Variants in COL27A1 observed in about 807,000 individuals in gnomAD.
The protein encoded by COL27A1 is collagen alpha-1(XXVII) chain.
Under a neutral mutation model 251.3 loss-of-function variants are expected in COL27A1, and 106 were observed. The ratio of observed to expected loss-of-function variants is 0.42; its 90% CI spans 0.36 to 0.50. The LOEUF is 0.50. COL27A1 is among the 20% of genes least tolerant of loss of function. COL27A1 has a pLI of 0.00. For synonymous variants in COL27A1, 1,000 were observed against 986.3 expected, an observed-to-expected ratio of 1.01 and a Z score of -0.26; for missense variants, 2,325 against 2,522.8, an observed-to-expected ratio of 0.92 and a Z score of 1.68.
In COL27A1 at chr9:114,169,090, C is replaced by G; in HGVS notation, c.1535C>G (p.Ser512Trp). 6.2e-7 allele frequency: 1 copy of G among 1,614,042 alleles called. No homozygotes were observed. The highest frequency in any genetic ancestry group is 1.1e-5 in the South Asian group (1 of 91,072). ...CCAGCCACGATGGTACCTCCAACTT[C>G]GGGCACCAGCACTCCCAGAACAGCA... ...RPPATMVPPT[S>W]GTSTPRTAPA... The change falls in exon 3 of 61, where the codon TCG (serine) becomes TGG (tryptophan). Residue 512 changes from serine (S) to tryptophan (W), a missense_variant. Ser to Trp is a radical substitution (Grantham distance 177). Coordinates refer to ENST00000356083, the MANE Select transcript of COL27A1 (RefSeq NM_032888.4).
At chr9:114,300,045 C>T in intron 49 of COL27A1, 25 bp from the exon 50 acceptor site, 2 of 1,613,870 alleles carry the variant, frequency 1.2e-6, no homozygotes, top group Non-Finnish European at 1.7e-6. Context: ...CTCACTCGCT[C>T]CATCACTTCC....
intron 10 of COL27A1, among the ~76,000 whole-genome samples, chr9:114,209,157 A>G (rs1463305598): frequency 6.6e-6 from 1 of 152,146 alleles, no homozygotes; most frequent in Non-Finnish European, 1.5e-5. Flanking sequence ...CTAATGTGGT[A>G]GCATGCATGT....
intron 2 of COL27A1, among the ~76,000 whole-genome samples, chr9:114,164,291 T>C (rs985896859): frequency 6.6e-6 from 1 of 152,226 alleles, no homozygotes; most frequent in African/African-American, 2.4e-5. Flanking sequence ...TTCTTATTGC[T>C]GTTAATTAGT....
At chr9:114,207,892 A>G (rs1343317302) in intron 10 of COL27A1, among the ~76,000 whole-genome samples, 3 of 152,224 alleles carry the variant, frequency 2.0e-5, no homozygotes, top group Admixed American at 6.5e-5. Flanking sequence ...TATGGATATT[A>G]ATCATGCTGG....
At chr9:114,220,547 G>A (rs761343668) in intron 13 of COL27A1, among the ~76,000 whole-genome samples, 5 of 152,200 alleles carry the variant, frequency 3.3e-5, no homozygotes, top group Non-Finnish European at 7.3e-5. Context: ...GCCTGACCCA[G>A]CCAGGCTCCC....
At chr9:114,271,833 T>A (rs1218504690) in intron 36 of COL27A1, 1 of 152,176 alleles carries the variant, frequency 6.6e-6, no homozygotes, top group African/African-American at 2.4e-5. Flanking sequence ...TGAACCTCAG[T>A]TTCCCCATCC....
At chr9:114,246,779 T>C (rs1205652905) in intron 24 of COL27A1, among the ~76,000 whole-genome samples, 3 of 152,164 alleles carry the variant, frequency 2.0e-5, no homozygotes, top group Non-Finnish European at 1.5e-5. Flanking sequence ...GCCTGGATTT[T>C]TGAAATCTTT....
At chr9:114,203,046 A>G (rs1351885006) in intron 7 of COL27A1, among the ~76,000 whole-genome samples, 1 of 152,230 alleles carries the variant, frequency 6.6e-6, no homozygotes, top group African/African-American at 2.4e-5. Context: ...TGTGCAATCA[A>G]TATCCAGAAA....
At chr9:114,205,464 A>G (rs1197850942) in intron 8 of COL27A1, among the ~76,000 whole-genome samples, 2 of 152,218 alleles carry the variant, frequency 1.3e-5, no homozygotes, top group African/African-American at 4.8e-5. Context: ...GTTTGCAGGA[A>G]TTTTGGCCAG....
intron 28 of COL27A1, among the ~76,000 whole-genome samples, chr9:114,260,474 G>T (rs1420803259): frequency 6.6e-6 from 1 of 152,224 alleles, no homozygotes; most frequent in South Asian, 2.1e-4. Context: ...GTCCTGATCA[G>T]CTCCCGGTTT....
chr9:114,185,978 C>T lies in COL27A1; in HGVS notation c.2016+2903C>T, dbSNP rs927449351. On this transcript the variant is annotated intron_variant, in intron 5 of 60. Coordinates refer to ENST00000356083, the MANE Select transcript of COL27A1 (RefSeq NM_032888.4). ...AGAAAGCAGAGGTGAGGGACCTCAT[C>T]CCTCCGGAGGGTGCAGAAGAGTGAA... 5.9e-5 allele frequency among the ~76,000 whole-genome samples: 9 copies of T among 152,308 alleles called. No individual in the cohort carries two copies. In the East Asian group the frequency reaches 1.5e-3, roughly 26 times the overall value.
chr9:114,243,072 G>A (rs912991438), intron 22 of COL27A1, among the ~76,000 whole-genome samples: 5 of 152,196 alleles, frequency 3.3e-5, no homozygotes, highest in Non-Finnish European at 5.9e-5. Flanking sequence ...TGACAAAGGC[G>A]AATGACATCT....
intron 22 of COL27A1, 134 bp downstream of exon 22, chr9:114,242,365 G>A (rs1249355660): frequency 1.5e-6 from 1 of 656,178 alleles, no homozygotes; most frequent in East Asian, 3.0e-5. Flanking sequence ...GAGAGAACTA[G>A]GACAGACCCC....
In COL27A1 at chr9:114,288,939, G is replaced by A. The variant is rs751193626; in HGVS notation, c.4124G>A (p.Arg1375His). 1.7e-5 allele frequency: 28 copies of A among 1,613,574 alleles called. No individual in the cohort carries two copies. The highest frequency in any genetic ancestry group is 4.0e-5 in the African/African-American group (3 of 74,922). Residue 1375 changes from arginine to histidine, a missense_variant, in exon 44 of 61, where the codon CGT becomes CAT. Physicochemically the swap from Arg to His is conservative, Grantham distance 29 (BLOSUM62 0). This residue lies in a region of COL27A1 where 662 missense variants were observed against 795.3 expected (regional missense o/e 0.83). Transcript: ENST00000356083. ...YPGQEGVQGL[R>H]GKPGQQGQPG... is the part of the protein sequence containing the mutation. ...GGACAGGAGGGTGTGCAAGGCCTCC[G>A]TGGAAAGCCAGGCCAGCAGGGCCAA...
intron 1 of COL27A1, among the ~76,000 whole-genome samples, chr9:114,161,267 G>A (rs1848478664): frequency 6.6e-6 from 1 of 152,102 alleles, no homozygotes. Flanking sequence ...TGCTTTCCCA[G>A]GGTCCCTAAC....
chr9:114,300,016 G>C, intron 49 of COL27A1, 54 bp from the exon 50 acceptor site: 1 of 1,587,284 alleles, frequency 6.3e-7, no homozygotes, highest in East Asian at 2.2e-5. Context: ...GGTGGCTGGC[G>C]GGACACGCTG....
At chr9:114,180,147 T>C (rs1827796351) in intron 4 of COL27A1, among the ~76,000 whole-genome samples, 2 of 152,132 alleles carry the variant, frequency 1.3e-5, no homozygotes, top group Admixed American at 6.5e-5. Context: ...GCCCAGAGCC[T>C]ACCATCTTAA....
chr9:114,269,852 C>T lies in COL27A1; in HGVS notation c.3555+558C>T, dbSNP rs975061416. ...AGCATGGACCACCCAACTGGCACAT[C>T]GTTGCCATCCTGCACCTGACGGCCC... On this transcript the variant is annotated intron_variant, in intron 35 of 60. Transcript: ENST00000356083. Among the ~76,000 whole-genome samples the T allele has an allele frequency of 3.0e-4, 45 of 152,266 alleles. No homozygotes were observed. In the East Asian group the frequency reaches 3.9e-3, roughly 13 times the overall value.
In COL27A1 at chr9:114,169,218, G is replaced by A; in HGVS notation, c.1663G>A (p.Val555Ile). The A allele has an allele frequency of 6.2e-7, 1 of 1,614,020 alleles. No homozygotes were observed. The highest frequency in any genetic ancestry group is 1.7e-5 in the Admixed American group (1 of 59,998). Residue 555 changes from valine (V) to isoleucine (I), a missense_variant, in exon 3 of 61, where the codon GTC becomes ATC. Coordinates refer to ENST00000356083, the MANE Select transcript of COL27A1 (RefSeq NM_032888.4). Reference sequence around the variant, plus strand: ...ACCCAAGAGCAGCCCCCGGAAGCCTGTCCCCCTCAGACCTGGGAAGGCAGC... The same window carrying A: ...ACCCAAGAGCAGCCCCCGGAAGCCTATCCCCCTCAGACCTGGGAAGGCAGC... ...AGPKSSPRKP[V>I]PLRPGKAARD...
Sources: allele counts gnomAD v4.1 joint callset (sites outside exome capture counted in the v4.1 genomes callset), GRCh38; gene constraint gnomAD v4.1.1; regional missense constraint gnomAD v4.1.1; transcripts MANE v1.5; gene names NCBI Gene and HGNC (gene_info 2026-07-23, HGNC 2026-07-21).